DYNC1I1: variants seen among roughly 807,000 people sequenced by gnomAD.
DYNC1I1 encodes the protein cytoplasmic dynein 1 intermediate chain 1.
A neutral mutation model predicts 86.6 loss-of-function variants in DYNC1I1; 43 were observed. The observed-to-expected ratio is 0.50, with a 90% confidence interval of 0.39 to 0.64. DYNC1I1 has a LOEUF of 0.64. DYNC1I1 is among the 30% of genes least tolerant of loss of function. The probability of loss-of-function intolerance (pLI) is 0.00; values close to 1 mark genes in which losing one functional copy is unlikely to be tolerated. For missense variants in DYNC1I1, 604 were observed against 788.8 expected (o/e 0.77, Z 2.81); for synonymous variants, 262 against 283.7 (o/e 0.92, Z 0.77).
chr7:96,060,721 T>C (rs948138402), intron 14 of DYNC1I1, among the ~76,000 whole-genome samples: 1 of 152,046 alleles, frequency 6.6e-6, no homozygotes, highest in African/African-American at 2.4e-5. Context: ...AGGCTGTGCA[T>C]GTGTTGGGGA....
chr7:95,963,707 G>A (rs1197665874), intron 6 of DYNC1I1, among the ~76,000 whole-genome samples: 3 of 152,190 alleles, frequency 2.0e-5, no homozygotes, highest in Non-Finnish European at 4.4e-5. Context: ...ATTGTCAGTA[G>A]AAAGTTATGA....
intron 12 of DYNC1I1, among the ~76,000 whole-genome samples, chr7:96,034,372 T>C (rs1013410650): frequency 6.6e-6 from 1 of 152,164 alleles, no homozygotes; most frequent in African/African-American, 2.4e-5. Context: ...ATTTTGCTCA[T>C]TACACATATT....
At chr7:95,862,544 C>G (rs1361395746) in intron 5 of DYNC1I1, among the ~76,000 whole-genome samples, 1 of 152,116 alleles carries the variant, frequency 6.6e-6, no homozygotes, top group African/African-American at 2.4e-5. Flanking sequence ...ATCAAATAAA[C>G]AGATAATAAA....
intron 9 of DYNC1I1, among the ~76,000 whole-genome samples, chr7:95,992,841 C>T (rs1793765502): frequency 6.6e-6 from 1 of 152,238 alleles, no homozygotes; most frequent in Non-Finnish European, 1.5e-5. Flanking sequence ...TCTCAAACTC[C>T]TGACCTCAAG....
rs78682171 is a variant in DYNC1I1, at chr7:96,053,193, G to A, written c.1509+13772G>A. The stretch of plus-strand genomic sequence containing the variant: ...ATTCACTACATCTAAGTTTTCAGAC[G>A]AAGCCAATTATGATTACAATAGTCA... On this transcript the variant is annotated intron_variant, in intron 14 of 16. Transcript: ENST00000447467. 7.1e-3 allele frequency among the ~76,000 whole-genome samples: 1,081 copies of A among 152,206 alleles called. 36 individuals carry two copies. In the East Asian group the frequency reaches 0.12, roughly 17 times the overall value.
At position 95,992,220 on chromosome 7, in the gene DYNC1I1, T is replaced by G. The variant is rs148517345; in HGVS notation, c.844-3728T>G. Reference sequence around the variant, plus strand: ...TTAGCACTTGTCATGGTCTGCTTTTTTATTTGTCTTGTAGTTACTTCTACG... The same window carrying G: ...TTAGCACTTGTCATGGTCTGCTTTTGTATTTGTCTTGTAGTTACTTCTACG... On this transcript the variant is annotated intron_variant, in intron 9 of 16. Transcript: ENST00000447467. Among the ~76,000 whole-genome samples, 411 of 152,240 alleles carry G rather than the reference T, an allele frequency of 2.7e-3. 1 individual carries two copies. The highest frequency in any genetic ancestry group is 9.1e-3 in the African/African-American group (379 of 41,548).
chr7:96,097,669 T>C lies in DYNC1I1; in HGVS notation c.*76T>C, dbSNP rs963980127. 1.3e-6 allele frequency: 2 copies of C among 1,586,012 alleles called. No homozygotes were observed. Among genetic ancestry groups the C allele is most frequent in the Non-Finnish European group, 1.7e-6 (2 of 1,164,650 alleles). Reference sequence around the variant, plus strand: ...AGCGTCTGCAGTCAAGTCTCTTGTATTCGGTGTCCATTCAGTATCAGTATT... The same window carrying C: ...AGCGTCTGCAGTCAAGTCTCTTGTACTCGGTGTCCATTCAGTATCAGTATT... On this transcript the variant is annotated 3_prime_UTR_variant, in exon 17 of 17. Transcript: ENST00000447467.
At chr7:96,043,402 A>G (rs1183531860) in intron 14 of DYNC1I1, among the ~76,000 whole-genome samples, 2 of 152,162 alleles carry the variant, frequency 1.3e-5, no homozygotes, top group Non-Finnish European at 2.9e-5. Context: ...TACAGATGCA[A>G]AACATTAAAT....
At chr7:95,978,905 C>T (rs1042493693) in intron 7 of DYNC1I1, among the ~76,000 whole-genome samples, 4 of 152,126 alleles carry the variant, frequency 2.6e-5, no homozygotes, top group African/African-American at 9.7e-5. Flanking sequence ...AAGCTATTCT[C>T]CTGCCTTAGC....
intron 6 of DYNC1I1, among the ~76,000 whole-genome samples, chr7:95,892,467 C>G (rs542831737): frequency 5.5e-4 from 83 of 152,182 alleles, no homozygotes; most frequent in South Asian, 8.3e-4. Flanking sequence ...CCTGCCACCA[C>G]GCCCAGCTAA....
intron 1 of DYNC1I1, among the ~76,000 whole-genome samples, chr7:95,780,687 C>G (rs528249239): frequency 1.8e-4 from 28 of 152,258 alleles, no homozygotes; most frequent in African/African-American, 5.5e-4. Flanking sequence ...GAAGTCCTCT[C>G]TTTCTGAATG....
intron 6 of DYNC1I1, among the ~76,000 whole-genome samples, chr7:95,972,223 AC>A (rs1423262640): frequency 2.0e-5 from 3 of 152,148 alleles, no homozygotes; most frequent in Non-Finnish European, 4.4e-5. Flanking sequence ...GAAATCTGGT[AC>A]TCACAGAATC....
chr7:96,016,086 G>C (rs527260869), intron 10 of DYNC1I1, among the ~76,000 whole-genome samples: 1 of 152,190 alleles, frequency 6.6e-6, no homozygotes, highest in Admixed American at 6.6e-5. Context: ...TCATTGCTTT[G>C]TTGGGCGTAG....
At chr7:95,782,359 CACTG>C (rs1196186069) in intron 1 of DYNC1I1, among the ~76,000 whole-genome samples, 1 of 152,222 alleles carries the variant, frequency 6.6e-6, no homozygotes, top group Non-Finnish European at 1.5e-5. Flanking sequence ...CCCCTAGGGA[CACTG>C]ACTGATATGT....
At chr7:96,088,162 A>G (rs1379876043) in intron 16 of DYNC1I1, among the ~76,000 whole-genome samples, 1 of 152,160 alleles carries the variant, frequency 6.6e-6, no homozygotes, top group African/African-American at 2.4e-5. Flanking sequence ...GCATTAGTAT[A>G]TGAAAATGGA....
intron 13 of DYNC1I1, among the ~76,000 whole-genome samples, chr7:96,036,648 G>C (rs1794933851): frequency 6.6e-6 from 1 of 152,044 alleles, no homozygotes; most frequent in Admixed American, 6.6e-5. Context: ...AATATATATT[G>C]GGGATAAAGA....
At chr7:95,787,734 A>C (rs923639791) in intron 1 of DYNC1I1, among the ~76,000 whole-genome samples, 20 of 152,228 alleles carry the variant, frequency 1.3e-4, no homozygotes, top group African/African-American at 4.8e-4. Flanking sequence ...AGAGACAAAC[A>C]ACAAAAAATA....
intron 4 of DYNC1I1, among the ~76,000 whole-genome samples, chr7:95,822,248 A>G (rs1795091708): frequency 6.6e-6 from 1 of 152,246 alleles, no homozygotes; most frequent in Admixed American, 6.5e-5. Flanking sequence ...GGAATTTTAT[A>G]AGAAATTAAA....
At chr7:96,061,900 C>T (rs1789791221) in intron 14 of DYNC1I1, among the ~76,000 whole-genome samples, 3 of 152,108 alleles carry the variant, frequency 2.0e-5, no homozygotes, top group Admixed American at 2.0e-4. Flanking sequence ...ATGCAGTTCA[C>T]CCATTTAAAC....
Sources: allele counts gnomAD v4.1 joint callset (sites outside exome capture counted in the v4.1 genomes callset), GRCh38; gene constraint gnomAD v4.1.1; transcripts MANE v1.5; gene names NCBI Gene and HGNC (gene_info 2026-07-23, HGNC 2026-07-21).